ZNF469: variants seen among roughly 807,000 people sequenced by gnomAD.
ZNF469 encodes zinc finger protein 469.
ZNF469 carries 1 observed loss-of-function variant against 1.0 expected under a neutral mutation model. That is an observed-to-expected ratio of 1.00 (90% CI 0.35 to 4.73). ZNF469 has a LOEUF of 4.73. ZNF469 is among the 30% of genes most tolerant of loss of function. The pLI is 0.16. For missense variants in ZNF469, 6,100 were observed against 5,356.3 expected, an observed-to-expected ratio of 1.14 and a Z score of -4.33; for synonymous variants, 2,703 against 2,363.4, an observed-to-expected ratio of 1.14 and a Z score of -4.17.
the ZNF469 span, among the ~76,000 whole-genome samples, chr16:88,249,391 A>AT: frequency 9.3e-4 from 98 of 105,030 alleles, no homozygotes; most frequent in Non-Finnish European, 1.4e-3. Context: ...CACAACTGCC[A>AT]TTTTTTTTTC....
the ZNF469 span, among the ~76,000 whole-genome samples, chr16:88,297,844 A>T: frequency 6.6e-6 from 1 of 152,128 alleles, no homozygotes; most frequent in Non-Finnish European, 1.5e-5. Flanking sequence ...AAGGATTAGG[A>T]CCTGACCTCT....
chr16:88,149,264 G>A, the ZNF469 span, among the ~76,000 whole-genome samples: 1 of 152,198 alleles, frequency 6.6e-6, no homozygotes, highest in Non-Finnish European at 1.5e-5. Context: ...GGCCACATGG[G>A]AGACCTCCGT....
chr16:88,256,531 A>G, the ZNF469 span, among the ~76,000 whole-genome samples: 2 of 152,258 alleles, frequency 1.3e-5, no homozygotes, highest in Non-Finnish European at 2.9e-5. Flanking sequence ...GTAGGTTTTT[A>G]TGTGAACATA....
intron 1 of ZNF469, among the ~76,000 whole-genome samples, chr16:88,404,631 T>C (rs1904976504): frequency 6.6e-6 from 1 of 152,084 alleles, no homozygotes; most frequent in African/African-American, 2.4e-5. Context: ...CCCACGGACG[T>C]GCTGCTATGC....
At chr16:88,190,830 T>C in the ZNF469 span, among the ~76,000 whole-genome samples, 1 of 152,238 alleles carries the variant, frequency 6.6e-6, no homozygotes, top group East Asian at 1.9e-4. Context: ...CTGTTGCCTC[T>C]GTAACACACT....
the ZNF469 span, among the ~76,000 whole-genome samples, chr16:88,274,776 T>C: frequency 2.6e-5 from 4 of 152,382 alleles, no homozygotes; most frequent in Admixed American, 6.5e-5. Flanking sequence ...CGTAGCTTCA[T>C]GGAGGACTCG....
chr16:88,194,038 C>T, the ZNF469 span, among the ~76,000 whole-genome samples: 20 of 152,316 alleles, frequency 1.3e-4, no homozygotes, highest in African/African-American at 3.4e-4. Flanking sequence ...CAGGCCTCAG[C>T]GTGGCCCGGC....
At chr16:88,295,510 C>A in the ZNF469 span, among the ~76,000 whole-genome samples, 1 of 152,052 alleles carries the variant, frequency 6.6e-6, no homozygotes, top group Admixed American at 6.5e-5. Context: ...GGCTCAGGGT[C>A]TGGAGAGGGC....
chr16:88,291,215 T>A, the ZNF469 span, among the ~76,000 whole-genome samples: 1 of 151,966 alleles, frequency 6.6e-6, no homozygotes, highest in South Asian at 2.1e-4. Context: ...GAAGCACCAG[T>A]GGGCAGAAAC....
the ZNF469 span, among the ~76,000 whole-genome samples, chr16:88,195,605 C>T: frequency 1.3e-5 from 2 of 152,102 alleles, no homozygotes; most frequent in African/African-American, 2.4e-5. Flanking sequence ...TCTGTCATAT[C>T]GTCAGACTCA....
chr16:88,135,748 GTTTTTT>G, the ZNF469 span, among the ~76,000 whole-genome samples: 3 of 66,930 alleles, frequency 4.5e-5, 1 homozygote, highest in Non-Finnish European at 9.1e-5. Context: ...AGCTGGCCAT[GTTTTTT>G]TTTTTTTTTT....
the ZNF469 span, among the ~76,000 whole-genome samples, chr16:88,334,685 G>A: frequency 6.6e-6 from 1 of 152,250 alleles, no homozygotes. Context: ...TTGCACTAAA[G>A]ATCTCAAGAT....
chr16:88,203,340 T>G, the ZNF469 span, among the ~76,000 whole-genome samples: 1 of 152,002 alleles, frequency 6.6e-6, no homozygotes, highest in African/African-American at 2.4e-5. Flanking sequence ...CCCAGGGCCC[T>G]CCCCCACCAC....
At chr16:88,391,806 A>T (rs1366775127) in intron 1 of ZNF469, among the ~76,000 whole-genome samples, 1 of 152,214 alleles carries the variant, frequency 6.6e-6, no homozygotes, top group African/African-American at 2.4e-5. Flanking sequence ...GGAAATTTTT[A>T]TGAGCATTTT....
the ZNF469 span, among the ~76,000 whole-genome samples, chr16:88,259,769 G>A: frequency 1.1e-3 from 162 of 152,236 alleles, no homozygotes; most frequent in African/African-American, 3.5e-3. The surrounding 1 kb of genome is among the most constrained non-coding windows in gnomAD (Gnocchi z 4.1). Context: ...AAGTCCAGGC[G>A]CTGATCCCTC....
At chr16:88,381,280 A>G (rs563133152), upstream of ZNF469, among the ~76,000 whole-genome samples, 1 of 147,974 alleles carries the variant, frequency 6.8e-6, no homozygotes, top group Non-Finnish European at 1.5e-5. Context: ...ACATGCACTC[A>G]CACACACGCA....
chr16:88,222,681 T>A, the ZNF469 span, among the ~76,000 whole-genome samples: 1 of 151,726 alleles, frequency 6.6e-6, no homozygotes, highest in African/African-American at 2.4e-5. Context: ...CGCTTGAACC[T>A]GGGAGGCAGA....
chr16:88,122,775 C>CTG, the ZNF469 span, among the ~76,000 whole-genome samples: 1 of 151,154 alleles, frequency 6.6e-6, no homozygotes, highest in African/African-American at 2.4e-5. Flanking sequence ...ATTCTTAGCT[C>CTG]TGTGTGTATA....
At chr16:88,300,538 C>A in the ZNF469 span, among the ~76,000 whole-genome samples, 1 of 151,870 alleles carries the variant, frequency 6.6e-6, no homozygotes, top group African/African-American at 2.4e-5. Flanking sequence ...CACCACCTAG[C>A]AGCAGGGAGC....
Sources: allele counts gnomAD v4.1 joint callset (sites outside exome capture counted in the v4.1 genomes callset), GRCh38; gene constraint gnomAD v4.1.1; non-coding constraint Gnocchi (gnomAD v3.1); transcripts MANE v1.5; gene names NCBI Gene and HGNC (gene_info 2026-07-23, HGNC 2026-07-21).